NINJ2: variants seen among roughly 807,000 people sequenced by gnomAD.
NINJ2 encodes ninjurin 2, also known as ninjurin-2.
Under a neutral mutation model 11.7 loss-of-function variants are expected in NINJ2, and 12 were observed. The observed-to-expected ratio is 1.02, with a 90% CI of 0.66 to 1.66. The LOEUF (loss-of-function observed/expected upper bound fraction) is 1.66, where lower values mean the gene tolerates loss of function less well. Ranked by LOEUF, NINJ2 falls within the 40% of genes most tolerant of loss-of-function variation. The pLI is 0.00. For missense variants in NINJ2, 187 were observed against 181.8 expected, an observed-to-expected ratio of 1.03 and a Z score of -0.16; for synonymous variants, 93 against 76.8, an observed-to-expected ratio of 1.21 and a Z score of -1.10.
chr12:574,712 T>G (rs1241226738), intron 1 of NINJ2, among the ~76,000 whole-genome samples: 1 of 152,238 alleles, frequency 6.6e-6, no homozygotes, highest in Non-Finnish European at 1.5e-5. Context: ...ACACTTCTAT[T>G]GTTTATAAAT....
chr12:617,052 A>G (rs1050652122), intron 1 of NINJ2, among the ~76,000 whole-genome samples: 1 of 152,168 alleles, frequency 6.6e-6, no homozygotes, highest in African/African-American at 2.4e-5. Flanking sequence ...CTAAAAATAC[A>G]AAAATTAGCC....
chr12:589,920 C>T (rs779002132), intron 1 of NINJ2, among the ~76,000 whole-genome samples: 17 of 151,932 alleles, frequency 1.1e-4, no homozygotes, highest in Non-Finnish European at 2.2e-4. Flanking sequence ...TCAGAGAGGG[C>T]GGGGTCTCCC....
chr12:600,798 C>T (rs141829223), intron 1 of NINJ2, among the ~76,000 whole-genome samples: 3,250 of 151,944 alleles, frequency 0.021, 123 homozygotes, highest in African/African-American at 0.073. Context: ...CCTCCCACCT[C>T]GGCCTCCAAA....
rs545261897 is a variant in NINJ2, at chr12:570,810, G to C, written c.34-4632C>G. On this transcript the variant is annotated intron_variant, in intron 1 of 3. Coordinates refer to ENST00000305108, the MANE Select transcript of NINJ2 (RefSeq NM_016533.6). ...TTCTGCTGATCCTCGAGGAGCAGGG[G>C]ACCGGTGGGCTAGGACTGCTGGTTG... 4.3e-4 allele frequency among the ~76,000 whole-genome samples: 65 copies of C among 152,332 alleles called. 1 individual carries two copies. In the East Asian group the frequency reaches 9.1e-3, roughly 21 times the overall value.
intron 1 of NINJ2, among the ~76,000 whole-genome samples, chr12:576,691 C>T (rs886661912): frequency 6.6e-6 from 1 of 152,234 alleles, no homozygotes; most frequent in Non-Finnish European, 1.5e-5. Flanking sequence ...TTTTCCACCT[C>T]CCCTGCAAGA....
rs1384647923 is a variant in NINJ2 at position 633,110 on chromosome 12, A to G, written c.33+30218T>C. ...GATCTAGGACTTTCTTTTCCAGGGA[A>G]GTTCTCTGAGAACTGAATCAATTCC... On this transcript the variant is annotated intron_variant, in intron 1 of 3. Transcript: ENST00000305108. The surrounding 1 kb of genome is among the most constrained non-coding windows in gnomAD (Gnocchi z 4.3). Among the ~76,000 whole-genome samples the G allele has an allele frequency of 1.3e-5, 2 of 152,124 alleles. No homozygotes were observed. Among genetic ancestry groups the G allele is most frequent in the Non-Finnish European group, 2.9e-5 (2 of 68,020 alleles).
At chr12:651,822 C>T (rs1937790356) in intron 1 of NINJ2, among the ~76,000 whole-genome samples, 1 of 152,196 alleles carries the variant, frequency 6.6e-6, no homozygotes, top group African/African-American at 2.4e-5. Context: ...CATTGATGGG[C>T]TCATTAGTAG....
chr12:634,265 C>CTTTTTTTTTTTGTTTT, intron 1 of NINJ2, among the ~76,000 whole-genome samples: 1 of 59,480 alleles, frequency 1.7e-5, no homozygotes, highest in Non-Finnish European at 3.1e-5. Context: ...AGTTGCAGTT[C>CTTTTTTTTTTTGTTTT]TTTTTTTTTT....
At chr12:608,749 A>G (rs1947973383) in intron 1 of NINJ2, among the ~76,000 whole-genome samples, 1 of 152,170 alleles carries the variant, frequency 6.6e-6, no homozygotes, top group Non-Finnish European at 1.5e-5. Flanking sequence ...GCAAGAGCTG[A>G]GGTGTCAGAG....
At chr12:576,309 C>T (rs1018029710) in intron 1 of NINJ2, among the ~76,000 whole-genome samples, 1 of 152,124 alleles carries the variant, frequency 6.6e-6, no homozygotes. Flanking sequence ...GCGGCGAGGC[C>T]CCAGCTCAAC....
intron 1 of NINJ2, chr12:643,157 C>G (rs1948444219): frequency 6.5e-6 from 1 of 154,926 alleles, no homozygotes; most frequent in Non-Finnish European, 1.5e-5. Context: ...CTCTGTCCCC[C>G]TGCCGCTGCC....
In NINJ2 at chr12:565,240, G is replaced by A; in HGVS notation, c.424C>T (p.Leu142Phe). The stretch of plus-strand genomic sequence containing the variant: ...ACCTGGGTCCCAGGCTGCATTCAGA[G>A]AGGATTCCTTGAGGCCCTGGCAGCC... ...FLAARASRNP[L>F] Residue 142 changes from leucine to phenylalanine, a missense_variant, in exon 3 of 4, where the codon CTC (leucine) becomes TTC (phenylalanine). Physicochemically the swap from Leu to Phe is conservative, Grantham distance 22. Transcript: ENST00000305108. The A allele has an allele frequency of 1.2e-6, 2 of 1,613,554 alleles. No homozygotes were observed. Among genetic ancestry groups the A allele is most frequent in the Non-Finnish European group, 1.7e-6 (2 of 1,179,646 alleles).
intron 1 of NINJ2, among the ~76,000 whole-genome samples, chr12:599,740 C>T (rs1266863915): frequency 2.0e-5 from 3 of 152,210 alleles, no homozygotes; most frequent in African/African-American, 7.2e-5. Flanking sequence ...GGAGGCCCTC[C>T]CAGCCCCACG....
intron 1 of NINJ2, among the ~76,000 whole-genome samples, chr12:661,023 A>C (rs1048962424): frequency 2.0e-5 from 3 of 152,280 alleles, no homozygotes; most frequent in African/African-American, 7.2e-5. Flanking sequence ...TACCTTTACC[A>C]CCCATTGGTG....
intron 1 of NINJ2, among the ~76,000 whole-genome samples, chr12:650,230 G>C (rs893500144): frequency 6.6e-6 from 1 of 151,830 alleles, no homozygotes; most frequent in African/African-American, 2.4e-5. Flanking sequence ...GATTACAGGC[G>C]CTCACCACCA....
chr12:575,405 C>A (rs1355407361), intron 1 of NINJ2, among the ~76,000 whole-genome samples: 2 of 152,234 alleles, frequency 1.3e-5, no homozygotes, highest in African/African-American at 4.8e-5. Flanking sequence ...GTTCCCTGAA[C>A]ACACCCCACC....
In NINJ2 at chr12:591,867, G is replaced by A. The variant is rs532587388; in HGVS notation, c.34-25689C>T. ...CTTCTGAAAGAGTGACGTGGCCGGC[G>A]GCAGGTATGGTGTGTGACTTAACTA... On this transcript the variant is annotated intron_variant, in intron 1 of 3. Coordinates refer to ENST00000305108, the MANE Select transcript of NINJ2 (RefSeq NM_016533.6). This position sits in a 1 kb window ranked among gnomAD's most constrained non-coding sequence, Gnocchi z 5.0. 1.1e-4 allele frequency among the ~76,000 whole-genome samples: 16 copies of A among 152,274 alleles called. 1 individual carries two copies. In the South Asian group the frequency reaches 2.1e-3, roughly 20 times the overall value.
chr12:601,651 GT>G (rs1282714930), intron 1 of NINJ2, among the ~76,000 whole-genome samples: 3 of 152,108 alleles, frequency 2.0e-5, no homozygotes, highest in Non-Finnish European at 4.4e-5. Flanking sequence ...TTCACCTCAG[GT>G]CAGGAGTTTG....
chr12:588,198 G>GGGGACGGAAGGGAGGGAAGGGACGGAA lies in NINJ2; in HGVS notation c.34-22021_34-22020insTTCCGTCCCTTCCCTCCCTTCCGTCCC, dbSNP rs1947669692. On this transcript the variant is annotated intron_variant, in intron 1 of 3. Coordinates refer to ENST00000305108, the MANE Select transcript of NINJ2 (RefSeq NM_016533.6). ...GGACGGAAGGGACGGAAGGGACGGA[G>GGGGACGGAAGGGAGGGAAGGGACGGAA]GGGACGGAAGGGACGGAGGGGACGG... 2.8e-5 allele frequency among the ~76,000 whole-genome samples: 3 copies of GGGGACGGAAGGGAGGGAAGGGACGGAA among 108,730 alleles called. No homozygotes were observed. In the South Asian group the frequency reaches 1.0e-3, roughly 38 times the overall value. 71.3% of individuals were successfully genotyped at this position (108,730 alleles called of 152,430 possible). A position where few individuals can be genotyped will look rare whatever the true frequency, so the allele number is the denominator to read the frequency against.
Sources: gnomAD v4.1 joint callset for allele counts (sites outside exome capture counted in the v4.1 genomes callset) on GRCh38, gnomAD v4.1.1 for gene constraint, Gnocchi (gnomAD v3.1) non-coding constraint, MANE v1.5 for transcripts, NCBI Gene and HGNC (gene_info 2026-07-23, HGNC 2026-07-21) for gene names.